The following VNN2 variants were observed in gnomAD, a reference collection of about 807,000 sequenced individuals.
VNN2 encodes pantetheine hydrolase VNN2.
In VNN2, 43 loss-of-function variants were observed where a neutral mutation model predicts 43.0. The observed-to-expected ratio is 1.00, with a 90% CI of 0.78 to 1.29. The LOEUF (loss-of-function observed/expected upper bound fraction) is 1.29, where lower values mean the gene tolerates loss of function less well. Among genes scored for constraint, VNN2 ranks in the 50% most tolerant of loss-of-function variants. The probability of loss-of-function intolerance (pLI) is 0.00; values close to 1 mark genes in which losing one functional copy is unlikely to be tolerated. For missense variants in VNN2, 652 were observed against 619.7 expected (o/e 1.05, Z -0.55); for synonymous variants, 230 against 224.3 (o/e 1.03, Z -0.23).
Position 132,757,778 on chromosome 6 carries a change from TG to T in VNN2, c.105del (p.Ile36PhefsTer16), listed in dbSNP as rs756818092. 5.0e-5 allele frequency: 80 copies of T among 1,614,208 alleles called. No homozygotes were observed. In the Admixed American group the frequency reaches 1.3e-3, roughly 27 times the overall value. The stretch of plus-strand genomic sequence containing the variant: ...GGTGTTTCTGTTTTATTTGGCAAAA[TG>T]ACAGCATGTTCATACACTGCAGCTA... Reference protein sequence around the residue: ...SFIAAVYEHAVILPNKTETPV... With the variant: ...SFIAAVYEHAXILPNKTETPV... On this transcript the variant is annotated frameshift_variant, in exon 1 of 7. Coordinates refer to ENST00000326499, the MANE Select transcript of VNN2 (RefSeq NM_004665.6). LOFTEE classifies it high-confidence loss of function.
chr6:132,747,495 T>C (rs749200273), intron 6 of VNN2, among the ~76,000 whole-genome samples: 1 of 152,082 alleles, frequency 6.6e-6, no homozygotes, highest in Non-Finnish European at 1.5e-5. Flanking sequence ...CATGCACCTG[T>C]AGTCCCAGCT....
At chr6:132,753,735 T>C (rs911433592) in intron 3 of VNN2, 4 of 211,862 alleles carry the variant, frequency 1.9e-5, no homozygotes, top group African/African-American at 9.4e-5. Context: ...GCAGATAACT[T>C]GAGGCCAGGA....
upstream of VNN2, among the ~76,000 whole-genome samples, chr6:132,759,043 G>A (rs1227916205): frequency 1.3e-5 from 2 of 152,076 alleles, no homozygotes; most frequent in Non-Finnish European, 2.9e-5. Flanking sequence ...CAGGGAAGGG[G>A]AAGAGTCCAG....
intron 5 of VNN2, among the ~76,000 whole-genome samples, chr6:132,750,501 A>ATATGTG (rs1325237466): frequency 1.9e-4 from 25 of 134,994 alleles, no homozygotes; most frequent in Admixed American, 3.3e-4. Context: ...ATATGTGTAT[A>ATATGTG]TATATATATA....
intron 5 of VNN2, among the ~76,000 whole-genome samples, chr6:132,750,497 G>GTGTATGTATATATGTGTGTATATA: frequency 1.9e-5 from 2 of 103,682 alleles, no homozygotes; most frequent in African/African-American, 3.6e-5. Flanking sequence ...TTGTATATGT[G>GTGTATGTATATATGTGTGTATATA]TATATATATA....
rs1429436665 is a variant in VNN2, at chr6:132,752,670, A to G, written c.617T>C (p.Phe206Ser). 6.2e-7 allele frequency: 1 copy of G among 1,614,222 alleles called. No individual in the cohort carries two copies. Among genetic ancestry groups the G allele is most frequent in the Non-Finnish European group, 8.5e-7 (1 of 1,180,032 alleles). The stretch of plus-strand genomic sequence containing the variant: ...TATATCAAAGCACGTGAAAATGCCA[A>G]ACCTTCCAAATGCGGTGTTGAAAGT... ...LVTFNTAFGR[F>S]GIFTCFDIFF... Residue 206 changes from phenylalanine (F) to serine (S), a missense_variant, in exon 4 of 7, where the codon TTT becomes TCT. Physicochemically the swap from Phe to Ser is radical, Grantham distance 155 (BLOSUM62 -2). Coordinates refer to ENST00000326499, the MANE Select transcript of VNN2 (RefSeq NM_004665.6).
In VNN2 at chr6:132,749,685, G is replaced by T. The variant is rs752874450; in HGVS notation, c.1371+10C>A. The T allele has an allele frequency of 3.1e-6, 5 of 1,607,118 alleles. No individual in the cohort carries two copies. Among genetic ancestry groups the T allele is most frequent in the South Asian group, 1.1e-5 (1 of 90,316 alleles). ...ATAAAATGAAAATACTCTTATAAAAGTCCTCTTACCTCAAATTTTCCAGGT... is the reference window on the plus strand; with the variant it reads ...ATAAAATGAAAATACTCTTATAAAATTCCTCTTACCTCAAATTTTCCAGGT... On this transcript the variant is annotated intron_variant, in intron 6 of 6. Transcript: ENST00000326499.
At chr6:132,758,751 T>C (rs1780648451), upstream of VNN2, among the ~76,000 whole-genome samples, 2 of 152,156 alleles carry the variant, frequency 1.3e-5, no homozygotes, top group African/African-American at 4.8e-5. Context: ...GACTTACTTA[T>C]TGCTATTAAG....
intron 4 of VNN2, among the ~76,000 whole-genome samples, chr6:132,751,821 G>C (rs1780124682): frequency 6.6e-6 from 1 of 152,162 alleles, no homozygotes; most frequent in Non-Finnish European, 1.5e-5. Context: ...GAAAGGTGGG[G>C]AAAGGGAATA....
chr6:132,753,524 T>C (rs9493426), intron 3 of VNN2: 277,301 of 450,296 alleles, frequency 0.62, 88,949 homozygotes, highest in African/African-American at 0.9. Flanking sequence ...GTATTTAATT[T>C]CCCGATTCCT....
At chr6:132,757,308 A>G in intron 2 of VNN2, 108 bp downstream of exon 2, 7 of 1,329,166 alleles carry the variant, frequency 5.3e-6, no homozygotes, top group Non-Finnish European at 7.0e-6. Context: ...AAATATAACC[A>G]TAACATATAC....
intron 6 of VNN2, 146 bp downstream of exon 6, chr6:132,749,549 T>A: frequency 1.2e-6 from 1 of 832,148 alleles, no homozygotes; most frequent in Non-Finnish European, 1.8e-6. Context: ...AAGTTCAAAT[T>A]GCCAACCCAC....
At chr6:132,751,908 G>C (rs1190637334) in intron 4 of VNN2, among the ~76,000 whole-genome samples, 1 of 152,158 alleles carries the variant, frequency 6.6e-6, no homozygotes, top group Non-Finnish European at 1.5e-5. Flanking sequence ...TTTCTGGTGG[G>C]AGGATCTAAT....
upstream of VNN2, among the ~76,000 whole-genome samples, chr6:132,761,295 C>T (rs920129352): frequency 6.6e-6 from 1 of 151,120 alleles, no homozygotes; most frequent in Non-Finnish European, 1.5e-5. Flanking sequence ...GATTAATGAA[C>T]TTAGCTAAAG....
intron 6 of VNN2, among the ~76,000 whole-genome samples, chr6:132,745,291 C>T (rs1477275292): frequency 5.9e-5 from 9 of 152,222 alleles, no homozygotes; most frequent in African/African-American, 2.2e-4. Context: ...TCTTGGCTCA[C>T]TGCAACCTCC....
upstream of VNN2, among the ~76,000 whole-genome samples, chr6:132,760,353 T>G (rs964948947): frequency 6.6e-6 from 1 of 152,106 alleles, no homozygotes; most frequent in Non-Finnish European, 1.5e-5. Context: ...TTTTGTTATT[T>G]TTTGTAGAGA....
upstream of VNN2, chr6:132,758,020 TCTTCTTCTTCTTCTTC>T (rs752088930): frequency 0.21 from 67,970 of 321,358 alleles, 12,768 homozygotes; most frequent in Admixed American, 0.29. Context: ...TTCTTCTTCT[TCTTCTTCTTCTTCTTC>T]TTCTTTTTTT....
At chr6:132,754,682 C>T (rs1562249614) in intron 3 of VNN2, among the ~76,000 whole-genome samples, 1 of 152,116 alleles carries the variant, frequency 6.6e-6, no homozygotes, top group African/African-American at 2.4e-5. Flanking sequence ...AAAATTATGA[C>T]TTAAAGGTTA....
At chr6:132,763,077 T>C (rs1218678507) in intron 1 of VNN2, among the ~76,000 whole-genome samples, 1 of 152,116 alleles carries the variant, frequency 6.6e-6, no homozygotes, top group Non-Finnish European at 1.5e-5. Context: ...CTTGACTGAA[T>C]TAAAAGCTTT....
Sources: allele counts gnomAD v4.1 joint callset (sites outside exome capture counted in the v4.1 genomes callset), GRCh38; gene constraint gnomAD v4.1.1; transcripts MANE v1.5; gene names NCBI Gene and HGNC (gene_info 2026-07-23, HGNC 2026-07-21).